DDAH1: variants seen among roughly 807,000 people sequenced by gnomAD.
The protein encoded by DDAH1 is dimethylarginine dimethylaminohydrolase 1.
In DDAH1, 19 loss-of-function variants were observed where a neutral mutation model predicts 28.8. The ratio of observed to expected loss-of-function variants is 0.66; its 90% CI spans 0.46 to 0.97. The LOEUF is 0.97. DDAH1 is among the 50% of genes least tolerant of loss of function. The pLI is 0.00. For missense variants in DDAH1, 326 were observed against 375.9 expected (o/e 0.87, Z 1.10); for synonymous variants, 153 against 154.4 (o/e 0.99, Z 0.07).
chr1:85,431,206 G>A (rs1460294155), intron 1 of DDAH1, among the ~76,000 whole-genome samples: 1 of 152,172 alleles, frequency 6.6e-6, no homozygotes, highest in Non-Finnish European at 1.5e-5. Context: ...ACTGATTTGT[G>A]TATGTTGAAC....
Position 85,567,965 on chromosome 1 carries a change from T to A in DDAH1, c.-123+10019A>T, listed in dbSNP as rs546718443. 2.0e-5 allele frequency among the ~76,000 whole-genome samples: 3 copies of A among 152,256 alleles called. No homozygotes were observed. In the East Asian group the frequency reaches 5.8e-4, roughly 29 times the overall value. ...ACCAGTCTCAAGAAGTATAAAAGAA[T>A]TCAAGTTAAACACAGTTTATTTTCT... On this transcript the variant is annotated intron_variant, in intron 1 of 6. Transcript: ENST00000426972.
At chr1:85,546,364 G>T (rs975497407) in intron 1 of DDAH1, among the ~76,000 whole-genome samples, 1 of 152,152 alleles carries the variant, frequency 6.6e-6, no homozygotes, top group African/African-American at 2.4e-5. Flanking sequence ...AAAGTCACTG[G>T]CCAGATGTGA....
chr1:85,549,471 C>T (rs1658721538), intron 1 of DDAH1, among the ~76,000 whole-genome samples: 1 of 152,180 alleles, frequency 6.6e-6, no homozygotes, highest in Non-Finnish European at 1.5e-5. Context: ...GACCATACCA[C>T]TCTTGTGTTA....
At chr1:85,568,084 C>CA (rs965430640) in intron 1 of DDAH1, among the ~76,000 whole-genome samples, 7 of 151,320 alleles carry the variant, frequency 4.6e-5, no homozygotes, top group South Asian at 2.1e-4. Flanking sequence ...TAACCTGAGT[C>CA]AAAAAAAATC....
intron 1 of DDAH1, among the ~76,000 whole-genome samples, chr1:85,370,329 T>A (rs576171247): frequency 3.3e-5 from 5 of 152,310 alleles, no homozygotes; most frequent in African/African-American, 1.2e-4. Flanking sequence ...AGAAAATATA[T>A]CTCTGTTATT....
At chr1:85,357,086 T>C (rs897534134) in intron 2 of DDAH1, among the ~76,000 whole-genome samples, 1 of 152,244 alleles carries the variant, frequency 6.6e-6, no homozygotes, top group South Asian at 2.1e-4. Flanking sequence ...AAACAGACTG[T>C]TGTTCTGTAC....
chr1:85,349,140 A>G (rs1203853149), intron 4 of DDAH1, among the ~76,000 whole-genome samples: 1 of 152,262 alleles, frequency 6.6e-6, no homozygotes, highest in African/African-American at 2.4e-5. Context: ...AGAAGTTGAC[A>G]TGAACTTCCA....
chr1:85,380,487 G>A (rs1223372643), intron 1 of DDAH1: 4 of 152,124 alleles, frequency 2.6e-5, no homozygotes, highest in African/African-American at 7.2e-5. Flanking sequence ...GAGCTGAAAT[G>A]GTCATATTCC....
At chr1:85,415,250 G>A (rs7554669) in intron 1 of DDAH1, among the ~76,000 whole-genome samples, 29,003 of 151,984 alleles carry the variant, frequency 0.19, 2,929 homozygotes, top group Middle Eastern at 0.27. Flanking sequence ...TCCTGACCTC[G>A]TGATCCACCC....
intron 1 of DDAH1, among the ~76,000 whole-genome samples, chr1:85,524,908 T>G (rs549035034): frequency 9.2e-6 from 1 of 109,166 alleles, no homozygotes; most frequent in African/African-American, 3.0e-5. Context: ...AGCCAGAAAA[T>G]GGATTAAGCA....
intron 1 of DDAH1, among the ~76,000 whole-genome samples, chr1:85,436,245 T>C (rs1349611286): frequency 4.6e-5 from 7 of 152,186 alleles, no homozygotes; most frequent in East Asian, 1.9e-4. Flanking sequence ...AATTTTTTTT[T>C]CCCTTTATTT....
intron 1 of DDAH1, chr1:85,400,066 T>C (rs1651994389): frequency 6.6e-6 from 1 of 152,130 alleles, no homozygotes; most frequent in Non-Finnish European, 1.5e-5. Flanking sequence ...CCCAGCCAAT[T>C]GTTTAGCAAA....
intron 1 of DDAH1, among the ~76,000 whole-genome samples, chr1:85,375,622 T>G (rs1650618449): frequency 1.3e-5 from 2 of 152,160 alleles, no homozygotes; most frequent in South Asian, 4.1e-4. Context: ...GCCATACAGT[T>G]GCATTCCTTT....
At chr1:85,401,490 C>CT (rs1179870149) in intron 1 of DDAH1, among the ~76,000 whole-genome samples, 1 of 134,862 alleles carries the variant, frequency 7.4e-6, no homozygotes, top group Admixed American at 8.6e-5. Flanking sequence ...TTTCTTTTTT[C>CT]TTTTTTCTTT....
intron 4 of DDAH1, among the ~76,000 whole-genome samples, chr1:85,334,269 C>G (rs970592798): frequency 1.3e-5 from 2 of 152,216 alleles, no homozygotes; most frequent in Non-Finnish European, 1.5e-5. Flanking sequence ...TTCCTGAGGC[C>G]TCCCCAGCCT....
intron 1 of DDAH1, among the ~76,000 whole-genome samples, chr1:85,503,629 C>G (rs943437615): frequency 4.6e-5 from 7 of 151,868 alleles, no homozygotes; most frequent in African/African-American, 1.7e-4. Flanking sequence ...AGGTTCTGTT[C>G]CCAGTACTTG....
At chr1:85,338,569 G>A (rs991631307) in intron 4 of DDAH1, among the ~76,000 whole-genome samples, 2 of 152,168 alleles carry the variant, frequency 1.3e-5, no homozygotes, top group African/African-American at 4.8e-5. Flanking sequence ...TCCAGACGCA[G>A]CCAGTGTTCT....
At chr1:85,371,122 TG>T (rs1365264659) in intron 1 of DDAH1, among the ~76,000 whole-genome samples, 1 of 152,172 alleles carries the variant, frequency 6.6e-6, no homozygotes, top group Non-Finnish European at 1.5e-5. Flanking sequence ...TTTGCAGCAA[TG>T]GATGCAAAAA....
chr1:85,410,939 G>C (rs1466166481), intron 1 of DDAH1, among the ~76,000 whole-genome samples: 1 of 152,186 alleles, frequency 6.6e-6, no homozygotes, highest in Non-Finnish European at 1.5e-5. Flanking sequence ...GTGGGAAAGA[G>C]GGAGGGAGAC....
Sources: allele counts gnomAD v4.1 joint callset (sites outside exome capture counted in the v4.1 genomes callset), GRCh38; gene constraint gnomAD v4.1.1; transcripts MANE v1.5; gene names NCBI Gene and HGNC (gene_info 2026-07-23, HGNC 2026-07-21).